The following TSNARE1 variants were observed in gnomAD, a reference collection of about 807,000 sequenced individuals.
TSNARE1 encodes t-SNARE domain containing 1, also known as t-SNARE domain-containing protein 1.
A neutral mutation model predicts 62.0 loss-of-function variants in TSNARE1; 49 were observed. The ratio of observed to expected loss-of-function variants is 0.79; its 90% confidence interval spans 0.63 to 1.00. TSNARE1 has a LOEUF of 1.00. TSNARE1 is among the 50% of genes least tolerant of loss of function. The pLI is 0.00. For synonymous variants in TSNARE1, 328 were observed against 294.4 expected (o/e 1.11, Z -1.17); for missense variants, 755 against 700.1 (o/e 1.08, Z -0.88).
At chr8:142,274,708 G>A in intron 12 of TSNARE1, 73 bp downstream of exon 12, 2 of 1,414,696 alleles carry the variant, frequency 1.4e-6, no homozygotes, top group Non-Finnish European at 1.9e-6. Flanking sequence ...CCTCCAGACA[G>A]ACGGAGGGAG....
At chr8:142,220,964 C>T (rs1816182895) in intron 13 of TSNARE1, among the ~76,000 whole-genome samples, 1 of 152,210 alleles carries the variant, frequency 6.6e-6, no homozygotes, top group African/African-American at 2.4e-5. Flanking sequence ...AGCAAGCACT[C>T]AATAAATGGC....
At chr8:142,234,776 G>C (rs866462358) in intron 12 of TSNARE1, among the ~76,000 whole-genome samples, 26 of 152,106 alleles carry the variant, frequency 1.7e-4, no homozygotes, top group African/African-American at 5.8e-4. Context: ...CCCCAGACAT[G>C]GAGAGGGGGA....
chr8:142,341,523 G>A (rs1832584519), intron 4 of TSNARE1, among the ~76,000 whole-genome samples: 1 of 152,210 alleles, frequency 6.6e-6, no homozygotes, highest in African/African-American at 2.4e-5. Flanking sequence ...CCAACCCGAA[G>A]CAGAGTGCGC....
intron 12 of TSNARE1, among the ~76,000 whole-genome samples, chr8:142,253,334 G>A (rs1232722034): frequency 6.6e-6 from 1 of 152,216 alleles, no homozygotes; most frequent in Non-Finnish European, 1.5e-5. Flanking sequence ...TCTGCACAGG[G>A]TCAGAGGGCC....
At chr8:142,223,163 CACTCACTCAAGTATT>C (rs1300964798) in intron 13 of TSNARE1, among the ~76,000 whole-genome samples, 5 of 101,620 alleles carry the variant, frequency 4.9e-5, no homozygotes, top group Non-Finnish European at 6.0e-5. Context: ...CTCATTCACT[CACTCACTCAAGTATT>C]CACTCATTCA....
chr8:142,370,379 G>A (rs1039893150), intron 1 of TSNARE1, among the ~76,000 whole-genome samples: 3 of 152,122 alleles, frequency 2.0e-5, no homozygotes, highest in Non-Finnish European at 4.4e-5. Context: ...GACCAGCCTG[G>A]CCAACAAAGT....
intron 1 of TSNARE1, among the ~76,000 whole-genome samples, chr8:142,385,125 A>G (rs920555350): frequency 1.3e-5 from 2 of 152,076 alleles, no homozygotes; most frequent in African/African-American, 2.4e-5. Context: ...GGGAGGGAGG[A>G]AGGCAGGCAG....
At chr8:142,406,834 T>C (rs1259771015), upstream of TSNARE1, 1 of 152,166 alleles carries the variant, frequency 6.6e-6, no homozygotes, top group Admixed American at 6.5e-5. Context: ...AGGGGACACG[T>C]GGGAGTCTCT....
At chr8:142,337,810 G>C (rs1187158868) in intron 4 of TSNARE1, among the ~76,000 whole-genome samples, 1 of 152,324 alleles carries the variant, frequency 6.6e-6, no homozygotes, top group East Asian at 1.9e-4. Flanking sequence ...CTCAGGAAGC[G>C]CCCATTCCCA....
intron 12 of TSNARE1, among the ~76,000 whole-genome samples, chr8:142,250,254 G>GA (rs1287871769): frequency 6.6e-6 from 1 of 152,140 alleles, no homozygotes. Flanking sequence ...CATTTTGAGG[G>GA]AAAAATGCAA....
chr8:142,278,550 T>C (rs1019659528), intron 11 of TSNARE1: 21 of 985,078 alleles, frequency 2.1e-5, no homozygotes, highest in Non-Finnish European at 2.4e-5. Context: ...TGGCACGGTG[T>C]CTTGAGGAGG....
At chr8:142,214,502 C>T (rs995994561) in intron 13 of TSNARE1, among the ~76,000 whole-genome samples, 1 of 152,218 alleles carries the variant, frequency 6.6e-6, no homozygotes, top group African/African-American at 2.4e-5. Flanking sequence ...CTGCCCAGAA[C>T]TCTGGGCTCT....
intron 1 of TSNARE1, among the ~76,000 whole-genome samples, chr8:142,383,266 C>G (rs1270906718): frequency 6.6e-6 from 1 of 152,172 alleles, no homozygotes; most frequent in Non-Finnish European, 1.5e-5. Flanking sequence ...TGAGAGAGAG[C>G]TGGAGAAAGA....
At chr8:142,256,238 CCATCACCATCACCAT>C (rs1586871172) in intron 12 of TSNARE1, among the ~76,000 whole-genome samples, 4 of 92,824 alleles carry the variant, frequency 4.3e-5, no homozygotes, top group African/African-American at 8.4e-5. Flanking sequence ...ACCACCACCA[CCATCACCATCACCAT>C]CATCACCATC....
intron 2 of TSNARE1, among the ~76,000 whole-genome samples, chr8:142,354,310 G>T (rs1476930500): frequency 6.6e-6 from 1 of 152,036 alleles, no homozygotes; most frequent in Non-Finnish European, 1.5e-5. Flanking sequence ...CATTAGGAAG[G>T]CCAGGTGAGA....
rs1829230472 is a variant in TSNARE1 at position 142,319,965 on chromosome 8, A to G, written c.894-1331T>C. On this transcript the variant is annotated intron_variant, in intron 6 of 13. Transcript: ENST00000524325. The surrounding 1 kb of genome is among the most constrained non-coding windows in gnomAD (Gnocchi z 4.9). ...GCGTCTGAGGCTTTGGAGAGCCTCC[A>G]GTGCCTCCAGCTCCCAAACACGCCT... Among the ~76,000 whole-genome samples the G allele has an allele frequency of 6.6e-6, 1 of 152,124 alleles. No individual in the cohort carries two copies. Among genetic ancestry groups the G allele is most frequent in the Non-Finnish European group, 1.5e-5 (1 of 68,008 alleles).
chr8:142,222,560 T>C (rs921174210), intron 13 of TSNARE1, among the ~76,000 whole-genome samples: 2 of 129,910 alleles, frequency 1.5e-5, no homozygotes, highest in Non-Finnish European at 3.3e-5. Flanking sequence ...ACTCACTCAC[T>C]CATTCACTCA....
Position 142,345,792 on chromosome 8 carries a change from A to T in TSNARE1, c.189T>A (p.Gly63=). 6.2e-7 allele frequency: 1 copy of T among 1,613,494 alleles called. No individual in the cohort carries two copies. Residue 63 remains glycine, a synonymous_variant, in exon 3 of 14, where the codon GGT becomes GGA. Coordinates refer to ENST00000524325, the MANE Select transcript of TSNARE1 (RefSeq NM_145003.5). Reference sequence around the variant, plus strand: ...TAGGCGTGCCTGCTGGCCCCAGATCACCTTCCCCGTCCTTCCCCACACAGC... The same window carrying T: ...TAGGCGTGCCTGCTGGCCCCAGATCTCCTTCCCCGTCCTTCCCCACACAGC... ...QNRCVGKDGE[G]DLGPAGTPIV...
chr8:142,278,617 A>G (rs892900979), intron 11 of TSNARE1: 1 of 985,338 alleles, frequency 1.0e-6, no homozygotes, highest in African/African-American at 1.7e-5. Context: ...CGGAGCCAGC[A>G]TCACCCTCAG....
Sources: allele counts gnomAD v4.1 joint callset (sites outside exome capture counted in the v4.1 genomes callset), GRCh38; gene constraint gnomAD v4.1.1; non-coding constraint Gnocchi (gnomAD v3.1); transcripts MANE v1.5; gene names NCBI Gene and HGNC (gene_info 2026-07-23, HGNC 2026-07-21).